NRXN1: variants seen among roughly 807,000 people sequenced by gnomAD.
The protein encoded by NRXN1 is neurexin 1.
In NRXN1, 39 loss-of-function variants were observed where a neutral mutation model predicts 150.9. The observed-to-expected ratio is 0.26, with a 90% CI of 0.20 to 0.34. The LOEUF (loss-of-function observed/expected upper bound fraction) is 0.34. Ranked by LOEUF, NRXN1 falls within the 10% of genes least tolerant of loss-of-function variation. The pLI is 1.00. For missense variants in NRXN1, 1,815 were observed against 1,949.9 expected (o/e 0.93, Z 1.30); for synonymous variants, 924 against 757.0 (o/e 1.22, Z -3.62).
At chr2:50,567,482 T>G (rs6740444) in intron 8 of NRXN1, among the ~76,000 whole-genome samples, 60,129 of 151,830 alleles carry the variant, frequency 0.4, 14,512 homozygotes, top group African/African-American at 0.67. Context: ...ATGTTAAATC[T>G]CATATCACGA....
rs547584039 is a variant in NRXN1, at chr2:50,399,855, C to A, written c.3364+65587G>T. ...AAAAAAAAAAAAAAAAAAAAAAATTCTCAGAAAAATATTATCATTGAAAGG... is the reference window on the plus strand; with the variant it reads ...AAAAAAAAAAAAAAAAAAAAAAATTATCAGAAAAATATTATCATTGAAAGG... On this transcript the variant is annotated intron_variant, in intron 17 of 22. Coordinates refer to ENST00000401669, the MANE Select transcript of NRXN1 (RefSeq NM_001330078.2). Among the ~76,000 whole-genome samples, 166 of 71,852 alleles carry A rather than the reference C, an allele frequency of 2.3e-3. 1 individual carries two copies. Among genetic ancestry groups the A allele is most frequent in the African/African-American group, 6.3e-3 (127 of 20,238 alleles). 47.1% of individuals were successfully genotyped at this position (71,852 alleles called of 152,430 possible).
intron 18 of NRXN1, among the ~76,000 whole-genome samples, chr2:50,234,363 G>A (rs1194706408): frequency 6.6e-6 from 1 of 151,876 alleles, no homozygotes; most frequent in Non-Finnish European, 1.5e-5. Context: ...GCGTGGTGGT[G>A]GGCACCTGTA....
chr2:50,078,646 T>C (rs188821597), intron 19 of NRXN1, among the ~76,000 whole-genome samples: 7 of 152,232 alleles, frequency 4.6e-5, no homozygotes, highest in Admixed American at 3.9e-4. Flanking sequence ...TTCGTGTAGT[T>C]AACACTTTTG....
intron 2 of NRXN1, among the ~76,000 whole-genome samples, chr2:50,943,583 A>G (rs565104537): frequency 1.3e-5 from 2 of 152,284 alleles, no homozygotes; most frequent in African/African-American, 4.8e-5. Context: ...CTAATTCTCT[A>G]TATGTAACTG....
rs996142230 is a variant in NRXN1 at position 50,218,808 on chromosome 2, C to T, written c.3546+17981G>A. Reference sequence around the variant, plus strand: ...GAGATAGAAAAACTTCAACTTTGTACCCAGTGACATTTTAGTTAAATATAA... The same window carrying T: ...GAGATAGAAAAACTTCAACTTTGTATCCAGTGACATTTTAGTTAAATATAA... On this transcript the variant is annotated intron_variant, in intron 18 of 22. Coordinates refer to ENST00000401669, the MANE Select transcript of NRXN1 (RefSeq NM_001330078.2). Among the ~76,000 whole-genome samples, 2 of 152,062 alleles carry T rather than the reference C, an allele frequency of 1.3e-5. 1 individual carries two copies. Among genetic ancestry groups the T allele is most frequent in the Middle Eastern group, 6.8e-3 (2 of 294 alleles).
At chr2:50,313,125 T>A (rs1326068008) in intron 17 of NRXN1, among the ~76,000 whole-genome samples, 1 of 152,130 alleles carries the variant, frequency 6.6e-6, no homozygotes, top group Admixed American at 6.6e-5. Context: ...TTTTTTCTGA[T>A]GAAGTCGACT....
chr2:50,723,193 G>A (rs1696898490), intron 5 of NRXN1, among the ~76,000 whole-genome samples: 1 of 152,038 alleles, frequency 6.6e-6, no homozygotes, highest in Non-Finnish European at 1.5e-5. Context: ...ATCTATAATT[G>A]CACAGGCCCC....
chr2:50,629,664 T>C (rs546331902), intron 5 of NRXN1, among the ~76,000 whole-genome samples: 164 of 151,802 alleles, frequency 1.1e-3, no homozygotes, highest in Middle Eastern at 3.4e-3. Context: ...AATGAATTTG[T>C]CTGATGAAGT....
chr2:49,997,102 A>T (rs1394599502), intron 21 of NRXN1, among the ~76,000 whole-genome samples: 1 of 152,214 alleles, frequency 6.6e-6, no homozygotes, highest in Non-Finnish European at 1.5e-5. Context: ...TAAAAGCAAG[A>T]TGCTGAAATC....
chr2:50,293,473 G>A (rs1036538317), intron 17 of NRXN1, among the ~76,000 whole-genome samples: 4 of 152,100 alleles, frequency 2.6e-5, no homozygotes, highest in Non-Finnish European at 4.4e-5. Context: ...GGGAAGAAGC[G>A]GGGGAGACAG....
chr2:50,089,919 C>T (rs1270920949), intron 19 of NRXN1, among the ~76,000 whole-genome samples: 1 of 152,216 alleles, frequency 6.6e-6, no homozygotes, highest in East Asian at 1.9e-4. Context: ...AGTTACTTGG[C>T]TTTCAAATCT....
chr2:50,007,811 G>A (rs919679586), intron 21 of NRXN1, among the ~76,000 whole-genome samples: 3 of 152,102 alleles, frequency 2.0e-5, no homozygotes, highest in African/African-American at 7.2e-5. Flanking sequence ...TCGCCACACT[G>A]TCTTCCACAG....
chr2:50,163,003 T>C (rs2059451218), intron 18 of NRXN1, among the ~76,000 whole-genome samples: 1 of 151,890 alleles, frequency 6.6e-6, no homozygotes, highest in Admixed American at 6.6e-5. Context: ...TTGCTTGTTT[T>C]CCAAAGTCTC....
At chr2:50,972,648 T>C (rs1695191027) in intron 2 of NRXN1, among the ~76,000 whole-genome samples, 1 of 152,086 alleles carries the variant, frequency 6.6e-6, no homozygotes, top group African/African-American at 2.4e-5. Context: ...GATGGTCTCA[T>C]CTAGGGGTGA....
At chr2:50,591,023 G>A (rs746131829) in intron 8 of NRXN1, among the ~76,000 whole-genome samples, 20 of 152,190 alleles carry the variant, frequency 1.3e-4, no homozygotes, top group Non-Finnish European at 2.2e-4. Context: ...GTGTTTTAAC[G>A]TAGTGGTTGA....
At chr2:50,645,112 C>T (rs1309799189) in intron 5 of NRXN1, among the ~76,000 whole-genome samples, 1 of 151,818 alleles carries the variant, frequency 6.6e-6, no homozygotes, top group African/African-American at 2.4e-5. Context: ...TGACCAATTT[C>T]AGAGTATTTC....
chr2:50,586,404 G>A (rs1197828152), intron 8 of NRXN1, among the ~76,000 whole-genome samples: 1 of 152,044 alleles, frequency 6.6e-6, no homozygotes, highest in Non-Finnish European at 1.5e-5. Context: ...AATTTATCTA[G>A]TGTCTGTCTC....
At chr2:50,919,017 T>A (rs1685614063) in intron 5 of NRXN1, 1 of 151,304 alleles carries the variant, frequency 6.6e-6, no homozygotes, top group Admixed American at 6.6e-5. Flanking sequence ...TGTTTAGGAA[T>A]GTAAAAAACA....
chr2:50,734,896 A>G (rs1401883348), intron 5 of NRXN1, among the ~76,000 whole-genome samples: 3 of 152,162 alleles, frequency 2.0e-5, no homozygotes, highest in African/African-American at 7.2e-5. Context: ...ACATATCCAA[A>G]TGTCAACGAA....
Sources: allele counts gnomAD v4.1 joint callset (sites outside exome capture counted in the v4.1 genomes callset), GRCh38; gene constraint gnomAD v4.1.1; transcripts MANE v1.5; gene names NCBI Gene and HGNC (gene_info 2026-07-23, HGNC 2026-07-21).